ROBO2: variants seen among roughly 807,000 people sequenced by gnomAD.
ROBO2 encodes roundabout homolog 2.
A neutral mutation model predicts 160.8 loss-of-function variants in ROBO2; 53 were observed. That is an observed-to-expected ratio of 0.33 (90% CI 0.26 to 0.41). The LOEUF is 0.41. Among genes scored for constraint, ROBO2 ranks in the 10% least tolerant of loss-of-function variants. ROBO2 has a pLI of 1.00. For synonymous variants in ROBO2, 664 were observed against 611.7 expected, an observed-to-expected ratio of 1.09 and a Z score of -1.26; for missense variants, 1,577 against 1,722.4, an observed-to-expected ratio of 0.92 and a Z score of 1.49.
At chr3:76,921,386 C>T (rs1403988765) in intron 2 of ROBO2, among the ~76,000 whole-genome samples, 2 of 152,074 alleles carry the variant, frequency 1.3e-5, no homozygotes, top group South Asian at 2.1e-4. Context: ...AAGAGGCAGA[C>T]GGATCGCTTG....
At chr3:76,764,934 A>G (rs922788345) in intron 2 of ROBO2, among the ~76,000 whole-genome samples, 4 of 151,760 alleles carry the variant, frequency 2.6e-5, no homozygotes, top group South Asian at 2.1e-4. Flanking sequence ...GATTTATGGG[A>G]TACAAAAGTG....
In ROBO2 at chr3:77,225,590, A is replaced by G. The variant is rs372060899; in HGVS notation, c.388+127250A>G. On this transcript the variant is annotated intron_variant, in intron 2 of 25. Transcript: ENST00000461745. ...TTATAAATTCCATAATAAATTAAAT[A>G]AGCACCTCTGTGGGTCATTTTTGAT... Among the ~76,000 whole-genome samples, 50 of 152,100 alleles carry G rather than the reference A, an allele frequency of 3.3e-4. 1 individual carries two copies. Among genetic ancestry groups the G allele is most frequent in the African/African-American group, 1.0e-3 (43 of 41,554 alleles).
chr3:77,489,936 T>G (rs1423170266), intron 4 of ROBO2, among the ~76,000 whole-genome samples: 1 of 152,108 alleles, frequency 6.6e-6, no homozygotes, highest in Non-Finnish European at 1.5e-5. Flanking sequence ...CAGTTATCAA[T>G]TATCGAAGCC....
chr3:77,124,727 G>T (rs965737351), intron 2 of ROBO2, among the ~76,000 whole-genome samples: 2 of 152,060 alleles, frequency 1.3e-5, no homozygotes, highest in Admixed American at 1.3e-4. Flanking sequence ...CATAAACTAA[G>T]TATACAACTT....
At chr3:76,200,854 GCCA>G (rs1702489568) in intron 2 of ROBO2, among the ~76,000 whole-genome samples, 1 of 150,824 alleles carries the variant, frequency 6.6e-6, no homozygotes. Flanking sequence ...GCAGCTTGGA[GCCA>G]GCTCACACGT....
chr3:77,563,580 C>T (rs1182801918), intron 11 of ROBO2, among the ~76,000 whole-genome samples: 1 of 152,092 alleles, frequency 6.6e-6, no homozygotes, highest in Non-Finnish European at 1.5e-5. Context: ...AATCACTTAG[C>T]TCCATTCTTT....
At chr3:76,138,482 T>C (rs769165771) in intron 2 of ROBO2, among the ~76,000 whole-genome samples, 67 of 152,032 alleles carry the variant, frequency 4.4e-4, no homozygotes, top group Non-Finnish European at 7.9e-4. Context: ...CGTTGTACTA[T>C]AAAAGGGAAC....
intron 2 of ROBO2, among the ~76,000 whole-genome samples, chr3:77,145,633 G>T (rs981960974): frequency 2.0e-4 from 31 of 151,968 alleles, no homozygotes; most frequent in African/African-American, 7.5e-4. Flanking sequence ...CACTTTTCTT[G>T]GTTTATCATC....
At chr3:77,568,519 T>C in intron 13 of ROBO2, 85 bp downstream of exon 14, 1 of 1,506,876 alleles carries the variant, frequency 6.6e-7, no homozygotes, top group Non-Finnish European at 9.2e-7. Flanking sequence ...CAAAGAGTGA[T>C]AATAAAAATT....
intron 2 of ROBO2, among the ~76,000 whole-genome samples, chr3:76,912,777 T>C (rs1340799945): frequency 6.6e-6 from 1 of 152,158 alleles, no homozygotes; most frequent in Non-Finnish European, 1.5e-5. Context: ...TATTCAACTT[T>C]AGGCAAAGAA....
chr3:76,904,467 A>G (rs1482604329), intron 2 of ROBO2, among the ~76,000 whole-genome samples: 2 of 152,216 alleles, frequency 1.3e-5, no homozygotes, highest in Admixed American at 1.3e-4. Flanking sequence ...ATAATAATAT[A>G]CTAGGGCTTA....
chr3:77,400,234 A>C (rs1450113105), intron 2 of ROBO2, among the ~76,000 whole-genome samples: 1 of 152,208 alleles, frequency 6.6e-6, no homozygotes, highest in African/African-American at 2.4e-5. Flanking sequence ...GGGTTAGCTC[A>C]AAAGGAAATG....
chr3:77,240,845 G>A (rs983249884), intron 2 of ROBO2, among the ~76,000 whole-genome samples: 1 of 152,190 alleles, frequency 6.6e-6, no homozygotes, highest in Non-Finnish European at 1.5e-5. Flanking sequence ...CATGTTTAGG[G>A]AAACTTGTAC....
At chr3:76,205,935 G>A (rs977323374) in intron 2 of ROBO2, among the ~76,000 whole-genome samples, 6 of 152,118 alleles carry the variant, frequency 3.9e-5, no homozygotes, top group South Asian at 2.1e-4. Context: ...ACTCAAACTC[G>A]AACTGTTCAA....
chr3:76,171,942 A>G (rs1188412687), intron 2 of ROBO2, among the ~76,000 whole-genome samples: 1 of 151,950 alleles, frequency 6.6e-6, no homozygotes, highest in Admixed American at 6.6e-5. Context: ...TAAGTCCTAA[A>G]CTCACCCCTA....
intron 2 of ROBO2, chr3:76,434,835 A>G: frequency 6.4e-7 from 1 of 1,556,330 alleles, no homozygotes; most frequent in Non-Finnish European, 8.9e-7. Flanking sequence ...TGATGACATG[A>G]AGACTCACAA....
At chr3:76,540,940 C>T (rs6800563) in intron 2 of ROBO2, among the ~76,000 whole-genome samples, 45,373 of 151,958 alleles carry the variant, frequency 0.3, 8,439 homozygotes, top group Non-Finnish European at 0.41. Context: ...GCTGGGATTA[C>T]AGGCATGCAC....
chr3:75,972,166 T>A (rs908210350), intron 2 of ROBO2, among the ~76,000 whole-genome samples: 35 of 151,770 alleles, frequency 2.3e-4, no homozygotes, highest in South Asian at 1.2e-3. Flanking sequence ...AAAACTATTT[T>A]GAGCAATATA....
intron 2 of ROBO2, among the ~76,000 whole-genome samples, chr3:76,615,057 T>C (rs2088467945): frequency 6.6e-6 from 1 of 152,232 alleles, no homozygotes; most frequent in Non-Finnish European, 1.5e-5. Flanking sequence ...CCGGAATTTC[T>C]ACCAATAGGA....
Sources: gnomAD v4.1 joint callset for allele counts (sites outside exome capture counted in the v4.1 genomes callset) on GRCh38, gnomAD v4.1.1 for gene constraint, MANE v1.5 for transcripts, NCBI Gene and HGNC (gene_info 2026-07-23, HGNC 2026-07-21) for gene names.